The following USP34 variants were observed in gnomAD, a reference collection of about 807,000 sequenced individuals.
The protein encoded by USP34 is ubiquitin specific peptidase 34, also known as ubiquitin carboxyl-terminal hydrolase 34.
In USP34, 70 loss-of-function variants were observed where a neutral mutation model predicts 460.3. That is an observed-to-expected ratio of 0.15 (90% CI 0.13 to 0.19). USP34 has a LOEUF of 0.19. USP34 is among the 10% of genes least tolerant of loss of function. The pLI is 1.00. For synonymous variants in USP34, 1,647 were observed against 1,405.3 expected (o/e 1.17, Z -3.85); for missense variants, 3,985 against 4,236.2 (o/e 0.94, Z 1.65).
At chr2:61,239,299 G>GACACAC (rs1558484181) in intron 53 of USP34, among the ~76,000 whole-genome samples, 2 of 69,136 alleles carry the variant, frequency 2.9e-5, no homozygotes, top group African/African-American at 6.2e-5. Flanking sequence ...TGAGGGCCCT[G>GACACAC]TCACACACAC....
At chr2:61,251,217 T>C (rs1037039282) in intron 48 of USP34, among the ~76,000 whole-genome samples, 8 of 152,204 alleles carry the variant, frequency 5.3e-5, no homozygotes, top group Admixed American at 2.6e-4. Flanking sequence ...CACTGGATAT[T>C]AGACATAAAT....
chr2:61,373,719 G>C (rs1317565561), intron 8 of USP34, among the ~76,000 whole-genome samples: 1 of 152,180 alleles, frequency 6.6e-6, no homozygotes, highest in Non-Finnish European at 1.5e-5. Flanking sequence ...ATATTCTACA[G>C]AGTCACTGCA....
intron 48 of USP34, among the ~76,000 whole-genome samples, chr2:61,253,838 G>A (rs1404795101): frequency 1.3e-5 from 2 of 151,738 alleles, no homozygotes; most frequent in African/African-American, 4.8e-5. Context: ...AGGTTCAGGT[G>A]ATTCTCCTGC....
At chr2:61,368,899 G>C (rs1179894698) in intron 10 of USP34, among the ~76,000 whole-genome samples, 3 of 151,916 alleles carry the variant, frequency 2.0e-5, no homozygotes, top group Non-Finnish European at 2.9e-5. Context: ...AAGCAAAAAG[G>C]CATCAAACCA....
intron 29 of USP34, among the ~76,000 whole-genome samples, chr2:61,298,981 C>T (rs1365090037): frequency 6.6e-6 from 1 of 152,062 alleles, no homozygotes; most frequent in Admixed American, 6.6e-5. Flanking sequence ...TTTGAAAAAA[C>T]CTTCTGCAAA....
intron 53 of USP34, among the ~76,000 whole-genome samples, chr2:61,236,910 A>G (rs1276155220): frequency 6.6e-6 from 1 of 152,154 alleles, no homozygotes; most frequent in African/African-American, 2.4e-5. Flanking sequence ...GTTCTATAAA[A>G]CTATTTTTAC....
At chr2:61,421,868 A>G (rs1413523284) in intron 1 of USP34, among the ~76,000 whole-genome samples, 4 of 152,094 alleles carry the variant, frequency 2.6e-5, no homozygotes, top group Non-Finnish European at 4.4e-5. Flanking sequence ...CACTTCCTCA[A>G]CTCAGCTCCA....
chr2:61,405,684 A>T, intron 3 of USP34, 24 bp downstream of exon 3: 2 of 1,502,170 alleles, frequency 1.3e-6, no homozygotes, highest in Non-Finnish European at 1.8e-6. Context: ...ATTACTTAAA[A>T]TTCACACCAC....
intron 76 of USP34, among the ~76,000 whole-genome samples, chr2:61,191,745 G>A (rs904905482): frequency 2.0e-5 from 3 of 152,224 alleles, no homozygotes; most frequent in Admixed American, 6.5e-5. Context: ...GCAATAGGTA[G>A]TGGGAGAGTA....
At chr2:61,392,515 T>C (rs1369363141) in intron 5 of USP34, among the ~76,000 whole-genome samples, 3 of 151,938 alleles carry the variant, frequency 2.0e-5, no homozygotes, top group Admixed American at 6.6e-5. Flanking sequence ...TCCCAGCTAC[T>C]AGGGAGGCTG....
intron 78 of USP34, 52 bp downstream of exon 78, chr2:61,190,219 T>C: frequency 6.5e-7 from 1 of 1,540,268 alleles, no homozygotes; most frequent in Non-Finnish European, 8.7e-7. Flanking sequence ...GCCACACAGT[T>C]AACTGAAGGA....
chr2:61,359,530 T>G (rs536121390), intron 10 of USP34, among the ~76,000 whole-genome samples: 1 of 152,304 alleles, frequency 6.6e-6, no homozygotes, highest in East Asian at 1.9e-4. Context: ...ACATTGGATT[T>G]GAAAATTATT....
chr2:61,205,397 TAG>T (rs1429104649), intron 72 of USP34, among the ~76,000 whole-genome samples: 1 of 152,182 alleles, frequency 6.6e-6, no homozygotes, highest in Non-Finnish European at 1.5e-5. Context: ...CCCCTCTTGC[TAG>T]AGAAGTAATT....
At chr2:61,294,527 T>C (rs1384608672) in intron 32 of USP34, among the ~76,000 whole-genome samples, 1 of 150,950 alleles carries the variant, frequency 6.6e-6, no homozygotes, top group Non-Finnish European at 1.5e-5. Context: ...CAAGTGATTC[T>C]CCTGCCTCAG....
intron 6 of USP34, among the ~76,000 whole-genome samples, chr2:61,381,748 T>TC (rs1300060899): frequency 1.3e-5 from 2 of 152,194 alleles, no homozygotes; most frequent in Non-Finnish European, 2.9e-5. Flanking sequence ...TATGCTCTCC[T>TC]CAGGTGACTC....
chr2:61,311,331 C>T (rs1406117187), intron 27 of USP34, among the ~76,000 whole-genome samples: 2 of 152,134 alleles, frequency 1.3e-5, no homozygotes, highest in East Asian at 3.8e-4. Context: ...TGCTGGTACC[C>T]TGATCTTGGA....
At chr2:61,303,635 C>G (rs1406672143) in intron 27 of USP34, among the ~76,000 whole-genome samples, 1 of 151,500 alleles carries the variant, frequency 6.6e-6, no homozygotes, top group Admixed American at 6.6e-5. Context: ...CTCGCTCTGT[C>G]GCCCACGCTG....
chr2:61,326,660 C>T (rs182680436), intron 20 of USP34, among the ~76,000 whole-genome samples: 49 of 152,180 alleles, frequency 3.2e-4, no homozygotes, highest in African/African-American at 1.2e-3. Context: ...GCTATTATTG[C>T]TGTTTTACAG....
At chr2:61,202,727 G>T (rs1413562133) in intron 75 of USP34, among the ~76,000 whole-genome samples, 1 of 152,042 alleles carries the variant, frequency 6.6e-6, no homozygotes, top group Non-Finnish European at 1.5e-5. Flanking sequence ...CACTGCTCTT[G>T]CCATTGCCAG....
Sources: gnomAD v4.1 joint callset for allele counts (sites outside exome capture counted in the v4.1 genomes callset) on GRCh38, gnomAD v4.1.1 for gene constraint, MANE v1.5 for transcripts, NCBI Gene and HGNC (gene_info 2026-07-23, HGNC 2026-07-21) for gene names.